The following SYNE2 variants were observed in gnomAD, a reference collection of about 807,000 sequenced individuals.
SYNE2 encodes spectrin repeat containing nuclear envelope protein 2.
In SYNE2, 431 loss-of-function variants were observed where a neutral mutation model predicts 856.3. That is an observed-to-expected ratio of 0.50 (90% CI 0.47 to 0.55). SYNE2 has a LOEUF of 0.55. SYNE2 is among the 20% of genes least tolerant of loss of function. The probability of loss-of-function intolerance (pLI) is 0.00; values close to 1 mark genes in which losing one functional copy is unlikely to be tolerated. For missense variants in SYNE2, 8,129 were observed against 8,023.2 expected (o/e 1.01, Z -0.50); for synonymous variants, 2,923 against 2,872.3 (o/e 1.02, Z -0.56).
At chr14:63,978,050 A>G (rs747247412) in intron 13 of SYNE2, 33 bp downstream of exon 13, 3 of 1,390,452 alleles carry the variant, frequency 2.2e-6, no homozygotes, top group Non-Finnish European at 2.0e-6. Flanking sequence ...AGCTGCTGTC[A>G]CTATTCACGT....
chr14:63,999,150 CA>C lies in SYNE2; in HGVS notation c.3480+113del, dbSNP rs371277017. 1.8e-5 allele frequency: 19 copies of C among 1,073,034 alleles called. 1 individual carries two copies. In the African/African-American group the frequency reaches 3.0e-4, roughly 17 times the overall value. 66.5% of individuals were successfully genotyped at this position (1,073,034 alleles called of 1,614,324 possible). A position where few individuals can be genotyped will look rare whatever the true frequency, so the allele number is the denominator to read the frequency against. ...TGAGGTCACATATGCTAAATGTTTCCAAAGAACTCTCTTTGCTGGATTGCAT... is the reference window on the plus strand; with the variant it reads ...TGAGGTCACATATGCTAAATGTTTCCAAGAACTCTCTTTGCTGGATTGCAT... On this transcript the variant is annotated intron_variant, in intron 27 of 115. Coordinates refer to ENST00000555002, the MANE Select transcript of SYNE2 (RefSeq NM_182914.3).
intron 66 of SYNE2, among the ~76,000 whole-genome samples, chr14:64,114,762 C>T (rs1225057400): frequency 1.3e-5 from 2 of 151,960 alleles, no homozygotes; most frequent in Non-Finnish European, 2.9e-5. Flanking sequence ...GGACTACAGC[C>T]CTGCACCACC....
intron 1 of SYNE2, among the ~76,000 whole-genome samples, chr14:63,908,636 C>A (rs574043160): frequency 6.6e-6 from 1 of 152,284 alleles, no homozygotes; most frequent in East Asian, 1.9e-4. Flanking sequence ...TATGCAGGCT[C>A]AGCTCTTATT....
intron 11 of SYNE2, among the ~76,000 whole-genome samples, chr14:63,975,292 C>T (rs1014849012): frequency 1.3e-4 from 19 of 151,824 alleles, no homozygotes; most frequent in South Asian, 2.1e-4. Context: ...TGTTTCTTTT[C>T]GTTTTATGTT....
chr14:63,975,673 T>C (rs775449298), intron 11 of SYNE2, among the ~76,000 whole-genome samples: 2 of 152,194 alleles, frequency 1.3e-5, no homozygotes, highest in Non-Finnish European at 2.9e-5. Flanking sequence ...TCAGATTATA[T>C]GTTGTTTCTT....
rs1023639497 is a variant in SYNE2 at position 64,098,115 on chromosome 14, G to A, written c.12275G>A (p.Gly4092Glu). 5.0e-6 allele frequency: 8 copies of A among 1,614,012 alleles called. No individual in the cohort carries two copies. The South Asian group carries it at 7.7e-5, about 16-fold the overall frequency. Residue 4092 changes from glycine (G) to glutamate (E), a missense_variant, in exon 62 of 116, where the codon GGA becomes GAA. Coordinates refer to ENST00000555002, the MANE Select transcript of SYNE2 (RefSeq NM_182914.3). The stretch of plus-strand genomic sequence containing the variant: ...CCAGCTGTAACATCAGAGGAAGGTG[G>A]AGTGGCAGAGAGGGATGCTTCTGAG... ...RLPAVTSEEG[G>E]VAERDASERK...
Position 64,065,603 on chromosome 14 carries a change from A to T in SYNE2, c.10384A>T (p.Met3462Leu), listed in dbSNP as rs758820721. The T allele has an allele frequency of 6.2e-7, 1 of 1,614,132 alleles. No homozygotes were observed. The highest frequency in any genetic ancestry group is 8.5e-7 in the Non-Finnish European group (1 of 1,180,024). Residue 3462 changes from methionine (M) to leucine (L), a missense_variant, in exon 51 of 116, where the codon ATG becomes TTG. Met to Leu is a conservative substitution (Grantham distance 15). This residue lies in a region of SYNE2 where 5,410 missense variants were observed against 5,284.8 expected (regional missense o/e 1.02). Transcript: ENST00000555002. ...GCTGGAAGCTGCTAAAGAGTGGGAGATGTGGTGCGAAGAACTGAAGCAGGA... is the reference window on the plus strand; with the variant it reads ...GCTGGAAGCTGCTAAAGAGTGGGAGTTGTGGTGCGAAGAACTGAAGCAGGA... ...SLLEAAKEWE[M>L]WCEELKQEWK...
In SYNE2 at chr14:64,220,476, G is replaced by C; in HGVS notation, c.19900G>C (p.Val6634Leu). The change falls in exon 111 of 116, where the codon GTC becomes CTC. Residue 6634 changes from valine (V) to leucine (L), a missense_variant. Val to Leu is a conservative substitution (Grantham distance 32). Coordinates refer to ENST00000555002, the MANE Select transcript of SYNE2 (RefSeq NM_182914.3). The stretch of plus-strand genomic sequence containing the variant: ...CTTTGACACTTACAAGGCATTAGTG[G>C]TCTCTGTCAACGTGAGCAGCAAGGA... ...KAFDTYKALVVSVNVSSKEFL... is the reference protein window; with the variant it reads ...KAFDTYKALVLSVNVSSKEFL... 6.2e-7 allele frequency: 1 copy of C among 1,614,200 alleles called. No individual in the cohort carries two copies. Among genetic ancestry groups the C allele is most frequent in the Non-Finnish European group, 8.5e-7 (1 of 1,180,040 alleles).
chr14:63,890,433 A>C (rs774253831), intron 1 of SYNE2, among the ~76,000 whole-genome samples: 1 of 152,164 alleles, frequency 6.6e-6, no homozygotes, highest in Non-Finnish European at 1.5e-5. Flanking sequence ...GTTCTTACAC[A>C]GAAAAGCAAG....
At chr14:63,827,293 T>TA (rs1271606635) in intron 1 of SYNE2, among the ~76,000 whole-genome samples, 4 of 140,632 alleles carry the variant, frequency 2.8e-5, no homozygotes, top group South Asian at 4.4e-4. Flanking sequence ...AAAAAAAAAA[T>TA]TATTGCAACT....
Position 64,113,434 on chromosome 14 carries a change from A to G in SYNE2, c.12703A>G (p.Thr4235Ala), listed in dbSNP as rs2153657597. 1 of 1,614,200 alleles carries G rather than the reference A, an allele frequency of 6.2e-7. No homozygotes were observed. The highest frequency in any genetic ancestry group is 8.5e-7 in the Non-Finnish European group (1 of 1,180,040). The change falls in exon 66 of 116, where the codon ACA (threonine) becomes GCA (alanine). Residue 4235 changes from threonine (T) to alanine (A), a missense_variant. Coordinates refer to ENST00000555002, the MANE Select transcript of SYNE2 (RefSeq NM_182914.3). The stretch of plus-strand genomic sequence containing the variant: ...GGTGGAGAAAACTAGGCCGGAGCCC[A>G]CAGAAGTCCTGCATGCCTGCAAGAC... Reference protein sequence around the residue: ...PRVEKTRPEPTEVLHACKTQV... With the variant: ...PRVEKTRPEPAEVLHACKTQV...
At chr14:64,178,484 G>A (rs914462254) in intron 96 of SYNE2, among the ~76,000 whole-genome samples, 1 of 152,136 alleles carries the variant, frequency 6.6e-6, no homozygotes, top group Non-Finnish European at 1.5e-5. Context: ...AAGAGACAGG[G>A]TCTGGCTCTG....
intron 2 of SYNE2, 147 bp from the exon 3 acceptor site, chr14:63,940,467 C>T (rs2095897893): frequency 4.1e-6 from 3 of 737,150 alleles, no homozygotes; most frequent in Non-Finnish European, 4.8e-6. Context: ...CTTGGACAAA[C>T]ATCTACAGTT....
intron 1 of SYNE2, among the ~76,000 whole-genome samples, chr14:63,871,708 G>C (rs964357966): frequency 1.3e-5 from 2 of 151,048 alleles, no homozygotes; most frequent in Non-Finnish European, 2.9e-5. Context: ...TGCCCAGGCT[G>C]GTCTCAAACT....
intron 44 of SYNE2, 64 bp downstream of exon 44, chr14:64,030,123 G>A: frequency 1.3e-6 from 2 of 1,488,126 alleles, no homozygotes; most frequent in Non-Finnish European, 1.9e-6. Flanking sequence ...ATTACAGTGT[G>A]ATTAATCAGT....
intron 99 of SYNE2, among the ~76,000 whole-genome samples, chr14:64,192,961 G>A (rs1367750042): frequency 1.3e-5 from 2 of 152,208 alleles, no homozygotes; most frequent in African/African-American, 4.8e-5. Context: ...TTATTGTTCA[G>A]GTGAATCTGT....
At position 64,042,111 on chromosome 14, in the gene SYNE2, C is replaced by G. The variant is rs149862210; in HGVS notation, c.7222-5889C>G. 1.3e-4 allele frequency among the ~76,000 whole-genome samples: 20 copies of G among 152,204 alleles called. No individual in the cohort carries two copies. In the East Asian group the frequency reaches 3.7e-3, roughly 28 times the overall value. ...AAACAATATTGTTTTCCACAGTAGT[C>G]TAACAGATGAAAAATTCATTTTCAT... On this transcript the variant is annotated intron_variant, in intron 45 of 115. Coordinates refer to ENST00000555002, the MANE Select transcript of SYNE2 (RefSeq NM_182914.3).
rs1267385896 is a variant in SYNE2 at position 63,807,865 on chromosome 14, A to ATATATATATATT, written c.-304-44636_-304-44635insTATATATATATT. Among the ~76,000 whole-genome samples the ATATATATATATT allele has an allele frequency of 2.2e-4, 21 of 97,396 alleles. 1 individual carries two copies. The highest frequency in any genetic ancestry group is 7.0e-4 in the African/African-American group (19 of 26,954). The allele number at this position is 97,396 out of a possible 152,430, so 63.9% of individuals were successfully genotyped here. ...TATATATATATATATATATATATAT[A>ATATATATATATT]ATTTCAATAGTTTTTGGGAACAAGT... On this transcript the variant is annotated intron_variant, in intron 1 of 23. Transcript: ENST00000674003.
At chr14:63,831,744 A>G (rs938745560) in intron 1 of SYNE2, among the ~76,000 whole-genome samples, 1 of 151,460 alleles carries the variant, frequency 6.6e-6, no homozygotes, top group Non-Finnish European at 1.5e-5. Flanking sequence ...TACTTTCGCC[A>G]TGTTGGCCAG....
Sources: gnomAD v4.1 joint callset for allele counts (sites outside exome capture counted in the v4.1 genomes callset) on GRCh38, gnomAD v4.1.1 for gene constraint, gnomAD v4.1.1 regional missense constraint, MANE v1.5 for transcripts, NCBI Gene and HGNC (gene_info 2026-07-23, HGNC 2026-07-21) for gene names.